GLI2: variants seen among roughly 807,000 people sequenced by gnomAD.
The protein encoded by GLI2 is transcription activator GLI2.
A neutral mutation model predicts 78.9 loss-of-function variants in GLI2; 22 were observed. The observed-to-expected ratio is 0.28, with a 90% confidence interval of 0.20 to 0.40. The LOEUF (loss-of-function observed/expected upper bound fraction) is 0.40, where lower values mean the gene tolerates loss of function less well. Among genes scored for constraint, GLI2 ranks in the 10% least tolerant of loss-of-function variants. GLI2 has a pLI of 1.00. For synonymous variants in GLI2, 974 were observed against 963.7 expected, an observed-to-expected ratio of 1.01 and a Z score of -0.20; for missense variants, 2,097 against 2,213.2, an observed-to-expected ratio of 0.95 and a Z score of 1.05.
At chr2:120,780,400 C>T (rs1273923430) in intron 1 of GLI2, among the ~76,000 whole-genome samples, 1 of 152,094 alleles carries the variant, frequency 6.6e-6, no homozygotes, top group Non-Finnish European at 1.5e-5. Flanking sequence ...GGGACCCTTG[C>T]CCAGTGTGAA....
intron 2 of GLI2, among the ~76,000 whole-genome samples, chr2:120,816,229 C>T (rs1423962383): frequency 2.2e-5 from 3 of 136,370 alleles, no homozygotes; most frequent in Non-Finnish European, 4.6e-5. Context: ...CTCGCTGTGT[C>T]GCCCAGACTG....
At chr2:120,798,212 G>A (rs549802467) in intron 2 of GLI2, among the ~76,000 whole-genome samples, 1 of 152,366 alleles carries the variant, frequency 6.6e-6, no homozygotes, top group Admixed American at 6.5e-5. Flanking sequence ...CTGAGGCACA[G>A]CTCAGAGAGC....
chr2:120,911,086 C>T (rs1457873631), intron 2 of GLI2, among the ~76,000 whole-genome samples: 3 of 152,272 alleles, frequency 2.0e-5, no homozygotes, highest in South Asian at 4.2e-4. Context: ...GGGGATGAGT[C>T]GGGCAAAGAC....
chr2:120,972,584 C>G (rs1041324957), intron 8 of GLI2: 1 of 511,386 alleles, frequency 2.0e-6, no homozygotes, highest in African/African-American at 1.9e-5. Flanking sequence ...TGTGTGCACA[C>G]CTGTCTCCCT....
At chr2:120,953,114 C>A (rs1469632457) in intron 4 of GLI2, among the ~76,000 whole-genome samples, 1 of 152,232 alleles carries the variant, frequency 6.6e-6, no homozygotes, top group Non-Finnish European at 1.5e-5. Flanking sequence ...GAAAAGCAGT[C>A]TTTGCAGATG....
At chr2:120,832,170 C>G (rs1182035139) in intron 2 of GLI2, among the ~76,000 whole-genome samples, 1 of 152,214 alleles carries the variant, frequency 6.6e-6, no homozygotes, top group Admixed American at 6.5e-5. Context: ...CCACTGAGGA[C>G]TTCATCTCTG....
chr2:120,954,931 A>G (rs4848134), intron 4 of GLI2, among the ~76,000 whole-genome samples: 1 of 151,900 alleles, frequency 6.6e-6, no homozygotes, highest in Non-Finnish European at 1.5e-5. Context: ...TCCTGTTGGC[A>G]TGGGGCTCCG....
intron 4 of GLI2, among the ~76,000 whole-genome samples, chr2:120,952,878 G>A (rs1192157292): frequency 6.6e-6 from 1 of 152,242 alleles, no homozygotes; most frequent in Non-Finnish European, 1.5e-5. Context: ...ATGATGGGCT[G>A]ACCAAGAGTG....
intron 2 of GLI2, among the ~76,000 whole-genome samples, chr2:120,876,210 C>T (rs569388408): frequency 2.7e-4 from 41 of 152,154 alleles, no homozygotes; most frequent in East Asian, 2.5e-3. Context: ...GGCGTGGTGG[C>T]GGGTGCCTGT....
chr2:120,822,653 C>T lies in GLI2; in HGVS notation c.148+25185C>T, dbSNP rs79489159. ...ATCATTATGTTCTTCCCTGATTCCA[C>T]CTCCCAAGGATGACCCTCACTCACA... On this transcript the variant is annotated intron_variant, in intron 2 of 13. Transcript: ENST00000361492. Among the ~76,000 whole-genome samples, 580 of 152,332 alleles carry T rather than the reference C, an allele frequency of 3.8e-3. 6 individuals are homozygous for T. The highest frequency in any genetic ancestry group is 0.013 in the African/African-American group (560 of 41,576).
rs939455134 is a variant in GLI2 at position 120,761,561 on chromosome 2, C to T, written c.-31+25276C>T. Among the ~76,000 whole-genome samples, 10 of 151,558 alleles carry T rather than the reference C, an allele frequency of 6.6e-5. No individual in the cohort carries two copies. The South Asian group carries it at 1.3e-3, about 19-fold the overall frequency. On this transcript the variant is annotated intron_variant, in intron 1 of 13. Coordinates refer to ENST00000361492, the MANE Select transcript of GLI2 (RefSeq NM_001374353.1). ...GGGGTGTGTGTGCAGAGGTGGAGGG[C>T]GTAGTGGGATAGAGAGGGCTAGGAG...
chr2:120,841,315 C>G (rs1306138535), intron 2 of GLI2, among the ~76,000 whole-genome samples: 1 of 152,172 alleles, frequency 6.6e-6, no homozygotes, highest in Non-Finnish European at 1.5e-5. Flanking sequence ...ACCAAGGCTT[C>G]TACGCTCCAT....
intron 3 of GLI2, among the ~76,000 whole-genome samples, chr2:120,932,914 GT>G (rs1386663534): frequency 6.6e-6 from 1 of 152,184 alleles, no homozygotes; most frequent in Non-Finnish European, 1.5e-5. Flanking sequence ...GTGGTGCGGT[GT>G]GGTGGGGGTC....
intron 5 of GLI2, 119 bp from the exon 6 acceptor site, chr2:120,968,595 C>T (rs1194159771): frequency 2.9e-5 from 23 of 798,178 alleles, no homozygotes; most frequent in African/African-American, 6.7e-5. Context: ...GCTGGAAAGT[C>T]GGCAAAGCTA....
intron 2 of GLI2, among the ~76,000 whole-genome samples, chr2:120,882,141 G>C (rs1337162773): frequency 1.3e-5 from 2 of 152,098 alleles, no homozygotes. Flanking sequence ...CTGGACCCAT[G>C]TGGCTGCCTA....
chr2:120,880,709 G>C (rs151114745), intron 2 of GLI2, among the ~76,000 whole-genome samples: 1 of 152,196 alleles, frequency 6.6e-6, no homozygotes, highest in Admixed American at 6.5e-5. Context: ...AGGTATCTGC[G>C]TATGAGAGAG....
intron 2 of GLI2, among the ~76,000 whole-genome samples, chr2:120,881,126 A>G (rs1677093884): frequency 2.0e-5 from 3 of 152,244 alleles, no homozygotes; most frequent in Non-Finnish European, 4.4e-5. Flanking sequence ...CCTTTCAGGC[A>G]CACAGAGGTT....
intron 2 of GLI2, among the ~76,000 whole-genome samples, chr2:120,811,127 C>T (rs796989454): frequency 1.1e-4 from 17 of 152,320 alleles, no homozygotes; most frequent in African/African-American, 4.1e-4. Context: ...TCTGCTGGAG[C>T]TGTGCGTAGA....
At chr2:120,798,407 C>T (rs926756870) in intron 2 of GLI2, among the ~76,000 whole-genome samples, 1 of 152,234 alleles carries the variant, frequency 6.6e-6, no homozygotes, top group Non-Finnish European at 1.5e-5. Context: ...GCTGCTGGTT[C>T]ACAGGCCACG....
Sources: gnomAD v4.1 joint callset for allele counts (sites outside exome capture counted in the v4.1 genomes callset) on GRCh38, gnomAD v4.1.1 for gene constraint, MANE v1.5 for transcripts, NCBI Gene and HGNC (gene_info 2026-07-23, HGNC 2026-07-21) for gene names.